The following DYNC2I1 variants were observed in gnomAD, a reference collection of about 807,000 sequenced individuals.
The protein encoded by DYNC2I1 is cytoplasmic dynein 2 intermediate chain 1.
In DYNC2I1, 89 loss-of-function variants were observed where a neutral mutation model predicts 133.4. That is an observed-to-expected ratio of 0.67 (90% CI 0.56 to 0.80). The LOEUF is 0.80. Ranked by LOEUF, DYNC2I1 falls within the 30% of genes least tolerant of loss-of-function variation. DYNC2I1 has a pLI of 0.00. For missense variants in DYNC2I1, 1,291 were observed against 1,314.5 expected, an observed-to-expected ratio of 0.98 and a Z score of 0.28; for synonymous variants, 504 against 484.3, an observed-to-expected ratio of 1.04 and a Z score of -0.54.
downstream of DYNC2I1, among the ~76,000 whole-genome samples, chr7:158,947,362 G>A (rs1338417717): frequency 6.6e-6 from 1 of 152,226 alleles, no homozygotes; most frequent in African/African-American, 2.4e-5. Context: ...TTTTGAGACT[G>A]AGGTAAGTTC....
chr7:158,908,787 G>GTCACACAT (rs1847094821), intron 11 of DYNC2I1, among the ~76,000 whole-genome samples: 1 of 152,172 alleles, frequency 6.6e-6, no homozygotes, highest in Admixed American at 6.5e-5. Context: ...GGCCTGCTGG[G>GTCACACAT]GCCACAGGAA....
chr7:158,886,430 G>A (rs113741255), intron 6 of DYNC2I1, among the ~76,000 whole-genome samples: 2,965 of 152,064 alleles, frequency 0.019, 96 homozygotes, highest in African/African-American at 0.067. Context: ...CACTGCGCCC[G>A]GCCGAGAACT....
intron 11 of DYNC2I1, among the ~76,000 whole-genome samples, chr7:158,907,054 G>A (rs548134870): frequency 6.6e-6 from 1 of 151,938 alleles, no homozygotes; most frequent in East Asian, 1.9e-4. Flanking sequence ...GGTCGAGGCC[G>A]CACTGAGCCG....
intron 4 of DYNC2I1, among the ~76,000 whole-genome samples, chr7:158,956,423 G>A (rs551372581): frequency 2.6e-5 from 4 of 152,314 alleles, no homozygotes; most frequent in South Asian, 4.1e-4. Context: ...AAGCGGCAGC[G>A]GAGACAGCGT....
At chr7:158,862,620 T>C (rs143590729) in intron 1 of DYNC2I1, among the ~76,000 whole-genome samples, 5,539 of 149,276 alleles carry the variant, frequency 0.037, 117 homozygotes, top group Non-Finnish European at 0.054. Context: ...CTCAGGAGGC[T>C]GAGGTGGGAG....
chr7:158,914,470 A>G (rs1301212176), intron 14 of DYNC2I1, 149 bp downstream of exon 14: 9 of 667,462 alleles, frequency 1.3e-5, no homozygotes, highest in Non-Finnish European at 2.2e-5. Context: ...ATTTTCTTAC[A>G]AATTATCAGT....
At chr7:158,942,209 C>A in intron 24 of DYNC2I1, 61 bp downstream of exon 24, 1 of 1,334,698 alleles carries the variant, frequency 7.5e-7, no homozygotes, top group Non-Finnish European at 1.0e-6. Flanking sequence ...ACGGGTGCCA[C>A]TTACGGTCTT....
intron 23 of DYNC2I1, among the ~76,000 whole-genome samples, chr7:158,941,713 C>G (rs573571631): frequency 6.6e-5 from 10 of 152,184 alleles, no homozygotes; most frequent in Admixed American, 2.0e-4. Flanking sequence ...GAGACCTCAT[C>G]TCTACGAACG....
chr7:158,925,680 C>T (rs1585194147), intron 17 of DYNC2I1, among the ~76,000 whole-genome samples: 1 of 152,054 alleles, frequency 6.6e-6, no homozygotes, highest in African/African-American at 2.4e-5. Flanking sequence ...GGTGGGTTTG[C>T]CTTTCCTTTG....
At chr7:158,921,357 G>C (rs1386748681) in intron 15 of DYNC2I1, among the ~76,000 whole-genome samples, 1 of 152,150 alleles carries the variant, frequency 6.6e-6, no homozygotes, top group African/African-American at 2.4e-5. Context: ...GGCAGCGATG[G>C]GTCAGGCGTT....
At chr7:158,921,322 G>C (rs924624775) in intron 15 of DYNC2I1, among the ~76,000 whole-genome samples, 2 of 152,146 alleles carry the variant, frequency 1.3e-5, no homozygotes, top group Non-Finnish European at 1.5e-5. Context: ...AGGAGACCAC[G>C]GTGGACAGTG....
chr7:158,914,224 T>A lies in DYNC2I1; in HGVS notation c.1703-9T>A. On this transcript the variant is annotated splice_polypyrimidine_tract_variant and intron_variant, in intron 13 of 24. Transcript: ENST00000407559. ...ACTTCGTTGATTTTATATAAACTGT[T>A]TTTTTTAGGCAGTGAACAAAGAGAT... 6.2e-7 allele frequency: 1 copy of A among 1,604,868 alleles called. No individual in the cohort carries two copies. The highest frequency in any genetic ancestry group is 8.5e-7 in the Non-Finnish European group (1 of 1,175,048).
chr7:158,850,753 A>G, the DYNC2I1 span, among the ~76,000 whole-genome samples: 1 of 152,204 alleles, frequency 6.6e-6, no homozygotes, highest in Non-Finnish European at 1.5e-5. Flanking sequence ...TGTTAACTGA[A>G]GCTATCCCTA....
At chr7:158,912,823 A>G (rs368152843) in intron 12 of DYNC2I1, among the ~76,000 whole-genome samples, 162 bp from the exon 13 acceptor site, 1 of 152,214 alleles carries the variant, frequency 6.6e-6, no homozygotes, top group Non-Finnish European at 1.5e-5. Flanking sequence ...TTAGACCTGT[A>G]TATATCTATA....
chr7:158,909,893 G>A (rs906713746), intron 11 of DYNC2I1, among the ~76,000 whole-genome samples: 1 of 152,174 alleles, frequency 6.6e-6, no homozygotes, highest in Non-Finnish European at 1.5e-5. Context: ...TTTTGGTCGA[G>A]CCTCCTGCAG....
At chr7:158,916,335 C>G (rs1410920502) in intron 14 of DYNC2I1, among the ~76,000 whole-genome samples, 2 of 80,174 alleles carry the variant, frequency 2.5e-5, no homozygotes, top group Admixed American at 2.3e-4. Context: ...CGTCTACACG[C>G]TGGTTGACAT....
intron 7 of DYNC2I1, among the ~76,000 whole-genome samples, chr7:158,889,299 C>T (rs1844949029): frequency 6.6e-6 from 1 of 151,796 alleles, no homozygotes; most frequent in African/African-American, 2.4e-5. Flanking sequence ...CCAGGGTGGT[C>T]TCGATCTCCT....
intron 23 of DYNC2I1, among the ~76,000 whole-genome samples, chr7:158,940,286 ATC>A (rs1851211585): frequency 6.6e-6 from 1 of 152,058 alleles, no homozygotes; most frequent in African/African-American, 2.4e-5. Flanking sequence ...TGCAGCCTAG[ATC>A]CCTCGCATAC....
chr7:158,867,018 GTTTTTTT>G (rs35720744), intron 1 of DYNC2I1, among the ~76,000 whole-genome samples: 1 of 121,166 alleles, frequency 8.3e-6, no homozygotes, highest in African/African-American at 3.0e-5. Context: ...GACTAAATCT[GTTTTTTT>G]TTTTTTTTTT....
Sources: allele counts gnomAD v4.1 joint callset (sites outside exome capture counted in the v4.1 genomes callset), GRCh38; gene constraint gnomAD v4.1.1; transcripts MANE v1.5; gene names NCBI Gene and HGNC (gene_info 2026-07-23, HGNC 2026-07-21).